The following FHIT variants were observed in gnomAD, a reference collection of about 807,000 sequenced individuals.
FHIT encodes fragile histidine triad diadenosine triphosphatase.
FHIT carries 19 observed loss-of-function variants against 17.9 expected under a neutral mutation model. The observed-to-expected ratio is 1.06, with a 90% confidence interval of 0.74 to 1.56. The LOEUF is 1.56. Among genes scored for constraint, FHIT ranks in the 40% most tolerant of loss-of-function variants. FHIT has a pLI of 0.00. For synonymous variants in FHIT, 81 were observed against 69.7 expected (o/e 1.16, Z -0.81); for missense variants, 248 against 189.2 (o/e 1.31, Z -1.82).
rs190059478 is a variant in FHIT at position 59,855,854 on chromosome 3, C to T, written c.348+66492G>A. On this transcript the variant is annotated intron_variant, in intron 8 of 9. Transcript: ENST00000492590. ...GGAGTGCAGTGGCACTAACTTGGCT[C>T]ACTGCAAGCTCTGCCTCCCGGGTTC... Among the ~76,000 whole-genome samples the T allele has an allele frequency of 4.5e-4, 68 of 151,072 alleles. No homozygotes were observed. The East Asian group carries it at 0.012, about 27-fold the overall frequency.
At chr3:61,217,727 A>T (rs1406446264) in intron 1 of FHIT, among the ~76,000 whole-genome samples, 1 of 152,252 alleles carries the variant, frequency 6.6e-6, no homozygotes, top group Non-Finnish European at 1.5e-5. Flanking sequence ...CTGCCACAAC[A>T]TTCTTTACAA....
At chr3:59,795,693 C>A (rs1015351402) in intron 8 of FHIT, among the ~76,000 whole-genome samples, 1 of 152,022 alleles carries the variant, frequency 6.6e-6, no homozygotes, top group African/African-American at 2.4e-5. Flanking sequence ...CACCACTGTA[C>A]TCCAGCCTGG....
intron 5 of FHIT, among the ~76,000 whole-genome samples, chr3:60,350,897 T>A (rs1278162562): frequency 1.3e-5 from 2 of 152,198 alleles, no homozygotes; most frequent in African/African-American, 4.8e-5. Context: ...GCTAGCAAAC[T>A]CACTCGAGAG....
intron 7 of FHIT, among the ~76,000 whole-genome samples, chr3:59,964,225 T>C (rs1707819178): frequency 6.6e-6 from 1 of 152,114 alleles, no homozygotes; most frequent in South Asian, 2.1e-4. Context: ...TAAAATTGCT[T>C]TTAGACCCAG....
intron 2 of FHIT, among the ~76,000 whole-genome samples, chr3:61,055,509 C>A (rs2034185657): frequency 6.6e-6 from 1 of 152,188 alleles, no homozygotes; most frequent in African/African-American, 2.4e-5. Flanking sequence ...TGACCCTCAT[C>A]AAGCTCCAAC....
chr3:59,856,102 A>G (rs1434009695), intron 8 of FHIT, among the ~76,000 whole-genome samples: 13 of 152,120 alleles, frequency 8.5e-5, no homozygotes, highest in Admixed American at 7.2e-4. Flanking sequence ...CTTTGACAAT[A>G]TCGATTAAAA....
rs555380795 is a variant in FHIT, at chr3:60,526,673, G to T, written c.103+10187C>A. 5.2e-4 allele frequency among the ~76,000 whole-genome samples: 79 copies of T among 152,222 alleles called. 1 individual carries two copies. Among genetic ancestry groups the T allele is most frequent in the African/African-American group, 1.8e-3 (75 of 41,534 alleles). ...TCAAGAATGCAAAGATGAGAAGCAA[G>T]CACTCTTGTGTGCTCATGTACAATT... On this transcript the variant is annotated intron_variant, in intron 5 of 9. Transcript: ENST00000492590.
intron 8 of FHIT, among the ~76,000 whole-genome samples, chr3:59,894,087 T>C (rs1014212007): frequency 1.3e-5 from 2 of 151,956 alleles, no homozygotes; most frequent in African/African-American, 4.8e-5. Flanking sequence ...ACCCTGCCTC[T>C]ACAAAAAATA....
At chr3:61,038,184 T>C (rs1158161261) in intron 3 of FHIT, among the ~76,000 whole-genome samples, 1 of 152,218 alleles carries the variant, frequency 6.6e-6, no homozygotes, top group African/African-American at 2.4e-5. Flanking sequence ...CAATGATGAA[T>C]CTCAGCTTCA....
rs528226383 is a variant in FHIT, at chr3:60,845,911, G to A, written c.-110-23900C>T. Among the ~76,000 whole-genome samples, 5 of 152,312 alleles carry A rather than the reference G, an allele frequency of 3.3e-5. No individual in the cohort carries two copies. The South Asian group carries it at 1.0e-3, about 32-fold the overall frequency. ...CATAAGAGGTAATGGCTGATACATA[G>A]TAATGCAGTTTTAAACCATTGGCAA... On this transcript the variant is annotated intron_variant, in intron 3 of 9. Coordinates refer to ENST00000492590, the MANE Select transcript of FHIT (RefSeq NM_002012.4).
chr3:60,553,520 T>C (rs74479213), intron 4 of FHIT: 1 of 146,836 alleles, frequency 6.8e-6, no homozygotes, highest in East Asian at 2.1e-4. Context: ...TATATATATA[T>C]AGAGAGAGAG....
At chr3:60,110,903 A>G (rs1704641035) in intron 5 of FHIT, among the ~76,000 whole-genome samples, 1 of 152,178 alleles carries the variant, frequency 6.6e-6, no homozygotes, top group Non-Finnish European at 1.5e-5. Context: ...ATATCAGAAC[A>G]CACCCCATCT....
chr3:61,225,111 A>C (rs574825666), intron 1 of FHIT, among the ~76,000 whole-genome samples: 1 of 152,354 alleles, frequency 6.6e-6, no homozygotes, highest in East Asian at 1.9e-4. Flanking sequence ...TACACAACAC[A>C]GTGGCATATG....
Position 60,928,367 on chromosome 3 carries a change from T to TAA in FHIT, c.-110-106358_-110-106357dup, listed in dbSNP as rs34316880. Among the ~76,000 whole-genome samples, 70 of 131,614 alleles carry TAA rather than the reference T, an allele frequency of 5.3e-4. 1 individual carries two copies. The highest frequency in any genetic ancestry group is 2.4e-3 in the East Asian group (11 of 4,566). 86.3% of individuals were successfully genotyped at this position (131,614 alleles called of 152,430 possible). A position where few individuals can be genotyped will look rare whatever the true frequency, so the allele number is the denominator to read the frequency against. The stretch of plus-strand genomic sequence containing the variant: ...TCAAATAAAGTGTATGAAAGAACTT[T>TAA]AAAAAAAAAAAAGAAAAAAAAAGTG... On this transcript the variant is annotated intron_variant, in intron 3 of 9. Coordinates refer to ENST00000492590, the MANE Select transcript of FHIT (RefSeq NM_002012.4).
At chr3:61,029,144 T>C (rs527997765) in intron 3 of FHIT, among the ~76,000 whole-genome samples, 3 of 152,292 alleles carry the variant, frequency 2.0e-5, no homozygotes, top group East Asian at 3.9e-4. Context: ...GTGTCTCTGA[T>C]ATATTTTGAA....
intron 5 of FHIT, among the ~76,000 whole-genome samples, chr3:60,078,230 A>G (rs1703119127): frequency 6.6e-6 from 1 of 152,088 alleles, no homozygotes; most frequent in African/African-American, 2.4e-5. Flanking sequence ...AAAAATAGCA[A>G]TTTTCCAATG....
chr3:60,183,998 G>A (rs1401123535), intron 5 of FHIT, among the ~76,000 whole-genome samples: 3 of 146,554 alleles, frequency 2.0e-5, no homozygotes, highest in Non-Finnish European at 4.5e-5. Flanking sequence ...TTTATTTTTC[G>A]TTTTTTTTTT....
At chr3:60,988,946 TAAAAAA>T (rs535898632) in intron 3 of FHIT, among the ~76,000 whole-genome samples, 6 of 34,334 alleles carry the variant, frequency 1.7e-4, no homozygotes, top group African/African-American at 7.7e-4. Context: ...ATGGCTTTGT[TAAAAAA>T]AAAAAAAAAA....
At chr3:60,317,337 T>C (rs1261093259) in intron 5 of FHIT, among the ~76,000 whole-genome samples, 1 of 151,892 alleles carries the variant, frequency 6.6e-6, no homozygotes, top group Non-Finnish European at 1.5e-5. Context: ...ATTGTTATCT[T>C]TGTAATTGAT....
Sources: gnomAD v4.1 joint callset for allele counts (sites outside exome capture counted in the v4.1 genomes callset) on GRCh38, gnomAD v4.1.1 for gene constraint, MANE v1.5 for transcripts, NCBI Gene and HGNC (gene_info 2026-07-23, HGNC 2026-07-21) for gene names.